The following NKD2 variants were observed in gnomAD, a reference collection of about 807,000 sequenced individuals.
NKD2 encodes the protein NKD inhibitor of Wnt signaling pathway 2, also known as protein naked cuticle homolog 2.
NKD2 carries 43 observed loss-of-function variants against 34.8 expected under a neutral mutation model. That is an observed-to-expected ratio of 1.24 (90% CI 0.97 to 1.60). NKD2 has a LOEUF of 1.60. NKD2 is among the 40% of genes most tolerant of loss of function. The probability of loss-of-function intolerance (pLI) is 0.00; values close to 1 mark genes in which losing one functional copy is unlikely to be tolerated. For missense variants in NKD2, 675 were observed against 627.1 expected, an observed-to-expected ratio of 1.08 and a Z score of -0.82; for synonymous variants, 278 against 265.1, an observed-to-expected ratio of 1.05 and a Z score of -0.47.
chr5:1,034,693 C>A, intron 6 of NKD2, 63 bp from the exon 7 acceptor site: 6 of 1,538,834 alleles, frequency 3.9e-6, no homozygotes, highest in Non-Finnish European at 5.3e-6. Context: ...TGTTTTCTGG[C>A]AGGGAGGGCG....
At chr5:1,016,111 G>A (rs6898591) in intron 3 of NKD2, among the ~76,000 whole-genome samples, 2,284 of 152,332 alleles carry the variant, frequency 0.015, 73 homozygotes, top group African/African-American at 0.052. Context: ...CCCCCACACC[G>A]GACACTTCCC....
At chr5:1,021,418 G>A (rs1299745257) in intron 3 of NKD2, among the ~76,000 whole-genome samples, 2 of 124,140 alleles carry the variant, frequency 1.6e-5, no homozygotes, top group East Asian at 5.1e-4. Context: ...CCCCGACCCA[G>A]CCCCCCCCAG....
intron 3 of NKD2, among the ~76,000 whole-genome samples, chr5:1,012,886 A>G (rs1711731040): frequency 6.6e-6 from 1 of 152,198 alleles, no homozygotes; most frequent in Non-Finnish European, 1.5e-5. Flanking sequence ...GGTCAGTGGG[A>G]GCAGTTTCTT....
chr5:1,014,756 C>T (rs1755881648), intron 3 of NKD2, among the ~76,000 whole-genome samples: 1 of 152,236 alleles, frequency 6.6e-6, no homozygotes, highest in African/African-American at 2.4e-5. Context: ...CTGTCCTCCA[C>T]CCCCGCTTTG....
In NKD2 at chr5:1,009,500, C is replaced by A. The variant is rs1436643821; in HGVS notation, c.81C>A (p.Ser27=). Residue 27 remains serine (S), a synonymous_variant, in exon 3 of 10, where the codon TCC becomes TCA. Transcript: ENST00000296849. The surrounding 1 kb of genome is among the most constrained non-coding windows in gnomAD (Gnocchi z 6.9). ...ESPEGDSFVA[S]AYASGRKGAE... ...CCGCAGGGGACAGCTTCGTGGCGTC[C>A]GCGTACGCGAGCGGCCGCAAAGGCG... 15 of 1,498,472 alleles carry A rather than the reference C, an allele frequency of 1.0e-5. No homozygotes were observed. In the East Asian group the frequency reaches 3.3e-4, roughly 33 times the overall value. 92.8% of individuals were successfully genotyped at this position (1,498,472 alleles called of 1,614,324 possible).
intron 3 of NKD2, among the ~76,000 whole-genome samples, chr5:1,012,534 G>T (rs781496270): frequency 1.3e-5 from 2 of 152,242 alleles, no homozygotes; most frequent in Non-Finnish European, 2.9e-5. Context: ...GACCACAGTC[G>T]TAAGACCTGC....
intron 7 of NKD2, among the ~76,000 whole-genome samples, chr5:1,035,138 TAATG>T (rs772496991): frequency 2.5e-3 from 377 of 148,818 alleles, no homozygotes; most frequent in African/African-American, 7.0e-3. Context: ...ACAAGTGAGT[TAATG>T]AATGAATGAG....
chr5:1,037,778 G>GCCTCACACT, intron 9 of NKD2, 27 bp from the exon 10 acceptor site: 1 of 1,563,316 alleles, frequency 6.4e-7, no homozygotes, highest in Non-Finnish European at 8.6e-7. Flanking sequence ...CACTCCCAGG[G>GCCTCACACT]CCTCACACTC....
At chr5:1,028,209 C>T (rs1005933749) in intron 3 of NKD2, among the ~76,000 whole-genome samples, 12 of 152,094 alleles carry the variant, frequency 7.9e-5, no homozygotes, top group African/African-American at 2.4e-4. Context: ...TCCTCACTGT[C>T]GTGGCGGGGA....
intron 3 of NKD2, among the ~76,000 whole-genome samples, chr5:1,010,246 C>A (rs573547345): frequency 6.6e-6 from 1 of 152,226 alleles, no homozygotes; most frequent in Non-Finnish European, 1.5e-5. Flanking sequence ...ATTAGACCTG[C>A]ATGTTTGCTG....
In NKD2 at chr5:1,038,484, C is replaced by G. The variant is rs754448179; in HGVS notation, c.*111C>G. On this transcript the variant is annotated 3_prime_UTR_variant, in exon 10 of 10. Coordinates refer to ENST00000296849, the MANE Select transcript of NKD2 (RefSeq NM_033120.4). This position sits in a 1 kb window ranked among gnomAD's most constrained non-coding sequence, Gnocchi z 4.5. The stretch of plus-strand genomic sequence containing the variant: ...CATGGGGAGCCCAGCCCCCACCCCC[C>G]ACCTCCGACAGCAAACAGCAACTGA... The G allele has an allele frequency of 2.5e-5, 38 of 1,531,434 alleles. No homozygotes were observed. Among genetic ancestry groups the G allele is most frequent in the South Asian group, 2.0e-4 (17 of 83,894 alleles). 94.9% of individuals were successfully genotyped at this position (1,531,434 alleles called of 1,614,324 possible). A position where few individuals can be genotyped will look rare whatever the true frequency, so the allele number is the denominator to read the frequency against.
intron 3 of NKD2, among the ~76,000 whole-genome samples, chr5:1,015,774 G>T (rs1179036898): frequency 6.6e-6 from 1 of 152,238 alleles, no homozygotes; most frequent in African/African-American, 2.4e-5. Flanking sequence ...GAGGGGGCCT[G>T]TGCTGCGTCC....
intron 4 of NKD2, 84 bp downstream of exon 4, chr5:1,032,296 A>C: frequency 2.8e-6 from 3 of 1,078,492 alleles, no homozygotes; most frequent in Non-Finnish European, 4.3e-6. Flanking sequence ...CACCCTTAAA[A>C]CAACCCCGTG....
At chr5:1,028,728 G>C (rs1270340299) in intron 3 of NKD2, among the ~76,000 whole-genome samples, 1 of 151,874 alleles carries the variant, frequency 6.6e-6, no homozygotes, top group African/African-American at 2.4e-5. Context: ...AAGGGGGGCG[G>C]AACAGGTTGG....
At chr5:1,036,471 G>T in intron 9 of NKD2, 87 bp downstream of exon 9, 1 of 1,106,880 alleles carries the variant, frequency 9.0e-7, no homozygotes, top group East Asian at 2.5e-5. Flanking sequence ...GAGTGCAGGG[G>T]GCCCCTCCCT....
At chr5:1,033,553 C>T (rs748909898) in intron 5 of NKD2, 54 bp downstream of exon 5, 2 of 1,511,152 alleles carry the variant, frequency 1.3e-6, no homozygotes, top group Non-Finnish European at 1.8e-6. Flanking sequence ...GCCGGGGGCT[C>T]AGGGACAGGC....
chr5:1,029,622 T>C (rs4246735), intron 3 of NKD2, among the ~76,000 whole-genome samples: 152,318 of 152,330 alleles, frequency 1, 76,153 homozygotes, highest in Middle Eastern at 1. Flanking sequence ...GTATTAGCTT[T>C]ATGCGTGGAG....
intron 3 of NKD2, among the ~76,000 whole-genome samples, chr5:1,010,186 C>T (rs1057341534): frequency 2.0e-5 from 3 of 151,964 alleles, no homozygotes; most frequent in African/African-American, 4.8e-5. Flanking sequence ...GTGCTATGTC[C>T]AGGAGCAGAG....
rs1456796630 is a variant in NKD2, at chr5:1,032,213, G to T, written c.202+1G>T. The T allele has an allele frequency of 6.2e-7, 1 of 1,607,870 alleles. No individual in the cohort carries two copies. Among genetic ancestry groups the T allele is most frequent in the South Asian group, 1.1e-5 (1 of 90,680 alleles). ...CGGGAGGACCAGTGTCCCCTACAGG[G>T]TGAGTGCAGCTCCCGCAGCCCTCCC... On this transcript the variant is annotated splice_donor_variant, in intron 4 of 9. Transcript: ENST00000296849. LOFTEE classifies it high-confidence loss of function.
Sources: gnomAD v4.1 joint callset for allele counts (sites outside exome capture counted in the v4.1 genomes callset) on GRCh38, gnomAD v4.1.1 for gene constraint, Gnocchi (gnomAD v3.1) non-coding constraint, MANE v1.5 for transcripts, NCBI Gene and HGNC (gene_info 2026-07-23, HGNC 2026-07-21) for gene names.